Variants in RPRD1A observed in about 807,000 individuals in gnomAD.
RPRD1A encodes regulation of nuclear pre-mRNA domain containing 1A.
In RPRD1A, 9 loss-of-function variants were observed where a neutral mutation model predicts 37.8. The observed-to-expected ratio is 0.24, with a 90% CI of 0.14 to 0.42. RPRD1A has a LOEUF of 0.42. Ranked by LOEUF, RPRD1A falls within the 10% of genes least tolerant of loss-of-function variation. RPRD1A has a pLI of 1.00. For missense variants in RPRD1A, 255 were observed against 371.0 expected (o/e 0.69, Z 2.57); for synonymous variants, 138 against 139.7 (o/e 0.99, Z 0.08).
chr18:35,993,965 C>T (rs537997138), intron 6 of RPRD1A, among the ~76,000 whole-genome samples: 5 of 152,302 alleles, frequency 3.3e-5, no homozygotes, highest in Admixed American at 1.3e-4. Flanking sequence ...AATACTTGGG[C>T]CCTGATAAGC....
chr18:36,008,577 G>GTGTATGTATATATA, intron 6 of RPRD1A, among the ~76,000 whole-genome samples: 1 of 47,800 alleles, frequency 2.1e-5, no homozygotes, highest in African/African-American at 6.7e-5. Context: ...CCTTGTGTGT[G>GTGTATGTATATATA]TATATATATA....
intron 6 of RPRD1A, among the ~76,000 whole-genome samples, chr18:36,016,669 A>C (rs1035004842): frequency 1.3e-5 from 2 of 152,246 alleles, no homozygotes; most frequent in South Asian, 4.1e-4. Context: ...CAATGTTTTC[A>C]GTATCAAACT....
In RPRD1A at chr18:36,025,868, A is replaced by G. The variant is rs192311816; in HGVS notation, c.789+1032T>C. The G allele has an allele frequency of 2.7e-3, 847 of 310,866 alleles. 3 individuals carry two copies. The highest frequency in any genetic ancestry group is 3.3e-3 in the Non-Finnish European group (543 of 163,014). The allele number at this position is 310,866 out of a possible 1,614,324, so 19.3% of individuals were successfully genotyped here. A position where few individuals can be genotyped will look rare whatever the true frequency, so the allele number is the denominator to read the frequency against. On this transcript the variant is annotated intron_variant, in intron 6 of 6. Transcript: ENST00000399022. ...AATTCATCTTTTAAAAAAAAAAACC[A>G]TCTTTTCCTTTCCATGTAGAAGTGG...
At chr18:36,063,378 C>A (rs192505864) in intron 1 of RPRD1A, among the ~76,000 whole-genome samples, 1 of 152,078 alleles carries the variant, frequency 6.6e-6, no homozygotes, top group South Asian at 2.1e-4. Flanking sequence ...ATGTTGACCA[C>A]GCTGGTCTCG....
At chr18:36,013,397 T>C (rs1910299487) in intron 6 of RPRD1A, among the ~76,000 whole-genome samples, 1 of 152,102 alleles carries the variant, frequency 6.6e-6, no homozygotes, top group African/African-American at 2.4e-5. Context: ...ACATTCAATA[T>C]ACCTATAATA....
At chr18:36,027,111 C>T in intron 5 of RPRD1A, 36 bp from the exon 6 acceptor site, 3 of 1,611,770 alleles carry the variant, frequency 1.9e-6, no homozygotes, top group Non-Finnish European at 2.5e-6. Context: ...TATTATACAA[C>T]AAAAACAATG....
rs1016547342 is a variant in RPRD1A, at chr18:36,067,116, G to A, written c.151+138C>T. ...ACTTTGCAGAAGCGTGGTGCACGCA[G>A]CTCCTCCAAGCCCGCAGACCACCGC... On this transcript the variant is annotated intron_variant, in intron 1 of 6. Transcript: ENST00000399022. 6 of 803,292 alleles carry A rather than the reference G, an allele frequency of 7.5e-6. No homozygotes were observed. In the South Asian group the frequency reaches 1.1e-4, roughly 15 times the overall value. The allele number at this position is 803,292 out of a possible 1,614,324, so 49.8% of individuals were successfully genotyped here.
chr18:36,053,027 C>A (rs1821145211), intron 1 of RPRD1A: 1 of 152,092 alleles, frequency 6.6e-6, no homozygotes, highest in South Asian at 2.1e-4. Flanking sequence ...ACAATTAATT[C>A]TTCCCAGGAG....
At chr18:36,041,787 T>A (rs1912598417) in intron 1 of RPRD1A, among the ~76,000 whole-genome samples, 1 of 152,242 alleles carries the variant, frequency 6.6e-6, no homozygotes, top group African/African-American at 2.4e-5. Context: ...ACAGAAAGCA[T>A]ATCAAGAGAT....
intron 1 of RPRD1A, among the ~76,000 whole-genome samples, chr18:36,049,471 CATAA>C (rs1384332403): frequency 6.6e-6 from 1 of 152,054 alleles, no homozygotes; most frequent in Admixed American, 6.5e-5. Flanking sequence ...GGTCTTGCTG[CATAA>C]GGAAGAAAAT....
intron 6 of RPRD1A, among the ~76,000 whole-genome samples, chr18:36,016,083 AG>A (rs1346336359): frequency 6.6e-6 from 1 of 152,216 alleles, no homozygotes; most frequent in African/African-American, 2.4e-5. Context: ...AAAGGCAAAG[AG>A]AAAAAAACTA....
At chr18:36,035,452 T>C (rs1262458844) in intron 1 of RPRD1A, among the ~76,000 whole-genome samples, 1 of 152,034 alleles carries the variant, frequency 6.6e-6, no homozygotes, top group African/African-American at 2.4e-5. Context: ...CTCAGGGAAA[T>C]AATGAGGAAG....
Position 36,067,215 on chromosome 18 carries a change from C to T in RPRD1A, c.151+39G>A, listed in dbSNP as rs200830450. 6.2e-5 allele frequency: 95 copies of T among 1,525,634 alleles called. 1 individual carries two copies. In the African/African-American group the frequency reaches 7.2e-4, roughly 12 times the overall value. 94.5% of individuals were successfully genotyped at this position (1,525,634 alleles called of 1,614,324 possible). On this transcript the variant is annotated intron_variant, in intron 1 of 6. Coordinates refer to ENST00000399022, the MANE Select transcript of RPRD1A (RefSeq NM_018170.5). ...TTCCCGGGGGCGCCTGGAGGCCGGC[C>T]GGGTGGTGGGAAGCGGCCGACATAA... is the stretch of plus-strand genomic sequence containing the variant.
At chr18:35,999,770 TAA>T (rs1273094683) in intron 6 of RPRD1A, among the ~76,000 whole-genome samples, 2 of 152,170 alleles carry the variant, frequency 1.3e-5, no homozygotes, top group East Asian at 1.9e-4. Context: ...CATTTCTTGA[TAA>T]AAACAGCAGA....
rs1908701105 is a variant in RPRD1A, at chr18:35,991,212, A to C, written c.*1939T>G. Reference sequence around the variant, plus strand: ...AAATCACCACTTTAGCAGATCATAAATAAGGTCAAGATATTGAAAATAAGT... The same window carrying C: ...AAATCACCACTTTAGCAGATCATAACTAAGGTCAAGATATTGAAAATAAGT... On this transcript the variant is annotated 3_prime_UTR_variant, in exon 7 of 7. Coordinates refer to ENST00000399022, the MANE Select transcript of RPRD1A (RefSeq NM_018170.5). 1 of 152,244 alleles carries C rather than the reference A, an allele frequency of 6.6e-6. No individual in the cohort carries two copies. Among genetic ancestry groups the C allele is most frequent in the Non-Finnish European group, 1.5e-5 (1 of 68,048 alleles). 9.4% of individuals were successfully genotyped at this position (152,244 alleles called of 1,614,324 possible).
chr18:36,060,228 G>A (rs1019748330), intron 1 of RPRD1A, among the ~76,000 whole-genome samples: 15 of 152,010 alleles, frequency 9.9e-5, no homozygotes, highest in Admixed American at 5.9e-4. Flanking sequence ...TCAGGAGATC[G>A]AGACCATCCT....
At chr18:36,008,195 TTGTC>T (rs1317536381) in intron 6 of RPRD1A, among the ~76,000 whole-genome samples, 3 of 152,078 alleles carry the variant, frequency 2.0e-5, no homozygotes, top group Non-Finnish European at 4.4e-5. Flanking sequence ...TTAAAAGGCA[TTGTC>T]TGTATTTTAA....
intron 6 of RPRD1A, among the ~76,000 whole-genome samples, chr18:36,015,162 A>AT (rs1312474632): frequency 3.1e-4 from 34 of 109,376 alleles, no homozygotes; most frequent in Admixed American, 2.9e-3. Context: ...ACACACATAT[A>AT]TACACATATA....
At chr18:36,008,577 G>GTATGTATGTATGTATGTATGTATATA (rs1909946486) in intron 6 of RPRD1A, among the ~76,000 whole-genome samples, 2 of 47,802 alleles carry the variant, frequency 4.2e-5, no homozygotes, top group African/African-American at 1.4e-4. Flanking sequence ...CCTTGTGTGT[G>GTATGTATGTATGTATGTATGTATATA]TATATATATA....
Sources: gnomAD v4.1 joint callset for allele counts (sites outside exome capture counted in the v4.1 genomes callset) on GRCh38, gnomAD v4.1.1 for gene constraint, MANE v1.5 for transcripts, NCBI Gene and HGNC (gene_info 2026-07-23, HGNC 2026-07-21) for gene names.